The following CDH4 variants were observed in gnomAD, a reference collection of about 807,000 sequenced individuals.
The protein encoded by CDH4 is cadherin 4, also known as cadherin-4.
In CDH4, 33 loss-of-function variants were observed where a neutral mutation model predicts 86.0. The observed-to-expected ratio is 0.38, with a 90% CI of 0.29 to 0.51. The LOEUF (loss-of-function observed/expected upper bound fraction) is 0.51. Among genes scored for constraint, CDH4 ranks in the 20% least tolerant of loss-of-function variants. The pLI, the probability that CDH4 is intolerant of heterozygous loss-of-function variation, is 0.86. For synonymous variants in CDH4, 555 were observed against 549.4 expected (o/e 1.01, Z -0.14); for missense variants, 1,114 against 1,307.4 (o/e 0.85, Z 2.28).
chr20:61,396,245 G>A (rs2085016107), intron 2 of CDH4, among the ~76,000 whole-genome samples: 1 of 152,046 alleles, frequency 6.6e-6, no homozygotes, highest in Non-Finnish European at 1.5e-5. Flanking sequence ...GGAGGGTGAG[G>A]GCCACATCCT....
chr20:61,766,605 G>A (rs942587861), intron 3 of CDH4, among the ~76,000 whole-genome samples: 3 of 152,176 alleles, frequency 2.0e-5, no homozygotes, highest in African/African-American at 2.4e-5. Context: ...GACTGAGATC[G>A]GGGATGAAAT....
intron 2 of CDH4, among the ~76,000 whole-genome samples, chr20:61,309,392 T>C (rs6015944): frequency 3.4e-4 from 5 of 14,540 alleles, no homozygotes; most frequent in South Asian, 3.4e-3. Flanking sequence ...CATAGAGGTG[T>C]TCAGCTGTCT....
chr20:61,388,964 A>G (rs1049528886), intron 2 of CDH4, among the ~76,000 whole-genome samples: 9 of 152,248 alleles, frequency 5.9e-5, no homozygotes, highest in African/African-American at 2.2e-4. Flanking sequence ...ATCTTTTCAC[A>G]TTTGAATTTT....
intron 2 of CDH4, among the ~76,000 whole-genome samples, chr20:61,419,871 A>G (rs2085167754): frequency 6.6e-6 from 1 of 152,210 alleles, no homozygotes; most frequent in Non-Finnish European, 1.5e-5. Flanking sequence ...CCTCACAGCC[A>G]TCATCAGAAT....
At chr20:61,410,012 T>C (rs2252143) in intron 2 of CDH4, among the ~76,000 whole-genome samples, 94,517 of 152,166 alleles carry the variant, frequency 0.62, 33,839 homozygotes, top group East Asian at 1. Flanking sequence ...TGCCACAGGG[T>C]GTACAGTGCA....
At chr20:61,909,368 G>A (rs2054825445) in intron 8 of CDH4, among the ~76,000 whole-genome samples, 2 of 152,232 alleles carry the variant, frequency 1.3e-5, no homozygotes, top group East Asian at 3.8e-4. Flanking sequence ...AGTGCTGGAA[G>A]GTTCCGCCCA....
intron 2 of CDH4, among the ~76,000 whole-genome samples, chr20:61,365,085 C>G (rs766920232): frequency 1.3e-5 from 2 of 152,224 alleles, no homozygotes; most frequent in African/African-American, 2.4e-5. Flanking sequence ...CTTTTGTCCT[C>G]TAGCCATTTA....
chr20:61,687,795 G>A (rs560604753), intron 2 of CDH4, among the ~76,000 whole-genome samples: 81 of 152,226 alleles, frequency 5.3e-4, no homozygotes, highest in African/African-American at 1.8e-3. Context: ...AATGTGGTCC[G>A]CGGACTACAA....
intron 2 of CDH4, among the ~76,000 whole-genome samples, chr20:61,259,820 G>A (rs2084119338): frequency 6.6e-6 from 1 of 152,218 alleles, no homozygotes; most frequent in Non-Finnish European, 1.5e-5. Flanking sequence ...TAGTCTATTA[G>A]GTTAGGCTTT....
At chr20:61,777,885 A>C (rs367585518) in intron 4 of CDH4, among the ~76,000 whole-genome samples, 1 of 117,432 alleles carries the variant, frequency 8.5e-6, no homozygotes. Context: ...TACTATACAC[A>C]CATGCACACA....
At chr20:61,802,069 CT>C (rs1386260539) in intron 4 of CDH4, among the ~76,000 whole-genome samples, 1 of 152,246 alleles carries the variant, frequency 6.6e-6, no homozygotes, top group Non-Finnish European at 1.5e-5. Flanking sequence ...GTCTCTGCCC[CT>C]TTGTCCGGCA....
At position 61,708,310 on chromosome 20, in the gene CDH4, G is replaced by A. The variant is rs537849848; in HGVS notation, c.170-35253G>A. 1.0e-3 allele frequency among the ~76,000 whole-genome samples: 155 copies of A among 149,150 alleles called. 4 individuals carry two copies. The South Asian group carries it at 0.02, about 19-fold the overall frequency. ...AGCACCCCGCTGACTCAGACTCCCC[G>A]CCCCCCGCCTACCCCCAGCAGCTTG... On this transcript the variant is annotated intron_variant, in intron 2 of 15. Transcript: ENST00000614565. This position sits in a 1 kb window ranked among gnomAD's most constrained non-coding sequence, Gnocchi z 4.5.
chr20:61,285,611 G>A (rs1405317964), intron 2 of CDH4, among the ~76,000 whole-genome samples: 1 of 152,158 alleles, frequency 6.6e-6, no homozygotes, highest in Non-Finnish European at 1.5e-5. Context: ...GAAAGATAAA[G>A]GAAATGAAAC....
At chr20:61,342,163 C>T (rs1044681268) in intron 2 of CDH4, among the ~76,000 whole-genome samples, 2 of 152,162 alleles carry the variant, frequency 1.3e-5, no homozygotes, top group African/African-American at 4.8e-5. Flanking sequence ...GACCAGCGGT[C>T]CTCCACCTTT....
At chr20:61,466,714 G>A (rs2085473661) in intron 2 of CDH4, among the ~76,000 whole-genome samples, 1 of 152,148 alleles carries the variant, frequency 6.6e-6, no homozygotes, top group Admixed American at 6.5e-5. Flanking sequence ...AGCTGGGCAT[G>A]GTGGCATGCA....
At position 61,802,041 on chromosome 20, in the gene CDH4, G is replaced by A. The variant is rs149471068; in HGVS notation, c.576+28859G>A. Among the ~76,000 whole-genome samples the A allele has an allele frequency of 4.0e-4, 61 of 152,360 alleles. No homozygotes were observed. The East Asian group carries it at 8.7e-3, about 22-fold the overall frequency. On this transcript the variant is annotated intron_variant, in intron 4 of 15. Transcript: ENST00000614565. ...CCAGACCTGTAAGTGGCGCAAGAGC[G>A]GGCCTCAATCAGGTCTGGTCTCTGC...
At chr20:61,700,120 A>G (rs2087759419) in intron 2 of CDH4, among the ~76,000 whole-genome samples, 1 of 152,134 alleles carries the variant, frequency 6.6e-6, no homozygotes, top group African/African-American at 2.4e-5. Context: ...TGGTGCCTCA[A>G]AGGTCCCAGA....
intron 2 of CDH4, among the ~76,000 whole-genome samples, chr20:61,456,401 A>G (rs1015329629): frequency 1.3e-5 from 2 of 152,184 alleles, no homozygotes; most frequent in Non-Finnish European, 1.5e-5. Flanking sequence ...TTGACCCCCC[A>G]GTGGGCATTT....
intron 2 of CDH4, among the ~76,000 whole-genome samples, chr20:61,532,190 A>G (rs1157485390): frequency 2.0e-5 from 3 of 152,172 alleles, no homozygotes; most frequent in Non-Finnish European, 1.5e-5. Context: ...CATGGACCCC[A>G]CAAAAGGGGC....
Sources: allele counts gnomAD v4.1 joint callset (sites outside exome capture counted in the v4.1 genomes callset), GRCh38; gene constraint gnomAD v4.1.1; non-coding constraint Gnocchi (gnomAD v3.1); transcripts MANE v1.5; gene names NCBI Gene and HGNC (gene_info 2026-07-23, HGNC 2026-07-21).